Variants in CDC73 observed in about 807,000 individuals in gnomAD.
CDC73 encodes the protein parafibromin.
A neutral mutation model predicts 83.7 loss-of-function variants in CDC73; 21 were observed. The observed-to-expected ratio is 0.25, with a 90% CI of 0.18 to 0.36. The LOEUF is 0.36. CDC73 is among the 10% of genes least tolerant of loss of function. CDC73 has a pLI of 1.00. For synonymous variants in CDC73, 224 were observed against 212.9 expected, an observed-to-expected ratio of 1.05 and a Z score of -0.45; for missense variants, 342 against 653.3, an observed-to-expected ratio of 0.52 and a Z score of 5.19.
Position 193,155,047 on chromosome 1 carries a change from C to A in CDC73, c.972+2603C>A, listed in dbSNP as rs186530049. Among the ~76,000 whole-genome samples, 31 of 152,248 alleles carry A rather than the reference C, an allele frequency of 2.0e-4. No homozygotes were observed. The East Asian group carries it at 6.0e-3, about 29-fold the overall frequency. ...CATAGTTAATAAAATTAGGATCAGT[C>A]TATGTATCTTTTAAGTTAAACATCA... On this transcript the variant is annotated intron_variant, in intron 10 of 16. Coordinates refer to ENST00000367435, the MANE Select transcript of CDC73 (RefSeq NM_024529.5).
At chr1:193,236,142 T>G (rs3738244) in intron 14 of CDC73, 114 bp from the exon 15 acceptor site, 8 of 781,866 alleles carry the variant, frequency 1.0e-5, no homozygotes, top group African/African-American at 1.7e-5. Flanking sequence ...ATAAGACTCT[T>G]TCACATGAAT....
intron 10 of CDC73, among the ~76,000 whole-genome samples, chr1:193,175,904 C>CG (rs1558298551): frequency 6.6e-6 from 1 of 151,870 alleles, no homozygotes; most frequent in Non-Finnish European, 1.5e-5. Flanking sequence ...GTTTACTTGT[C>CG]TTTTTTTTGC....
At chr1:193,248,698 A>T (rs1677993834) in intron 15 of CDC73, among the ~76,000 whole-genome samples, 1 of 152,064 alleles carries the variant, frequency 6.6e-6, no homozygotes, top group African/African-American at 2.4e-5. Flanking sequence ...TTCATAGATG[A>T]CTTTGAGGGG....
At chr1:193,165,001 C>T (rs1676411695) in intron 10 of CDC73, among the ~76,000 whole-genome samples, 1 of 152,138 alleles carries the variant, frequency 6.6e-6, no homozygotes, top group Non-Finnish European at 1.5e-5. Flanking sequence ...TCACATTTAG[C>T]TTTGTTGATT....
intron 11 of CDC73, among the ~76,000 whole-genome samples, chr1:193,205,000 G>A (rs1160337506): frequency 5.3e-5 from 8 of 151,974 alleles, no homozygotes. Flanking sequence ...AATGTGTTAA[G>A]CAAAGCTGGT....
At chr1:193,174,371 T>C (rs778851881) in intron 10 of CDC73, among the ~76,000 whole-genome samples, 1 of 152,186 alleles carries the variant, frequency 6.6e-6, no homozygotes, top group Non-Finnish European at 1.5e-5. Context: ...TCTTTAAATA[T>C]ATGAATTTGA....
intron 14 of CDC73, among the ~76,000 whole-genome samples, chr1:193,234,300 A>AATATATATAATATATATAATATATATATT (rs1677720370): frequency 7.9e-6 from 1 of 126,270 alleles, no homozygotes; most frequent in African/African-American, 3.1e-5. Context: ...TTATATATAT[A>AATATATATAATATATATAATATATATATT]ATATAATTTA....
chr1:193,180,218 C>A, intron 10 of CDC73: 4 of 1,274,992 alleles, frequency 3.1e-6, no homozygotes, highest in Non-Finnish European at 4.2e-6. Flanking sequence ...ACTTGTCCTA[C>A]GGATGTAATC....
intron 13 of CDC73, among the ~76,000 whole-genome samples, chr1:193,230,959 A>C (rs1677653846): frequency 6.6e-6 from 1 of 152,212 alleles, no homozygotes; most frequent in Admixed American, 6.5e-5. Context: ...ATCAGAAATT[A>C]ACATGCTACA....
chr1:193,245,350 C>T (rs1489135082), intron 15 of CDC73, among the ~76,000 whole-genome samples: 1 of 152,052 alleles, frequency 6.6e-6, no homozygotes, highest in African/African-American at 2.4e-5. Flanking sequence ...TTTTTAGCTT[C>T]TACATATGAG....
intron 10 of CDC73, chr1:193,186,737 C>G (rs1244195565): frequency 1.3e-5 from 2 of 152,008 alleles, no homozygotes; most frequent in African/African-American, 4.8e-5. Flanking sequence ...AGAGATTTTG[C>G]TTTTATGTGA....
At chr1:193,208,328 T>A (rs139779086) in intron 11 of CDC73, among the ~76,000 whole-genome samples, 77 of 152,336 alleles carry the variant, frequency 5.1e-4, no homozygotes, top group African/African-American at 1.5e-3. Flanking sequence ...ACCTTTTTAT[T>A]TCCGGTGGCA....
intron 13 of CDC73, among the ~76,000 whole-genome samples, chr1:193,213,435 A>G (rs1677310410): frequency 6.6e-6 from 1 of 151,620 alleles, no homozygotes; most frequent in South Asian, 2.1e-4. Context: ...GCTAAATACC[A>G]TTGCCTGATG....
At chr1:193,166,576 G>T (rs903405436) in intron 10 of CDC73, among the ~76,000 whole-genome samples, 1 of 152,050 alleles carries the variant, frequency 6.6e-6, no homozygotes, top group Non-Finnish European at 1.5e-5. Flanking sequence ...AGGCTTACAG[G>T]CCGATAGACA....
At chr1:193,214,564 A>C (rs1677330743) in intron 13 of CDC73, among the ~76,000 whole-genome samples, 1 of 151,984 alleles carries the variant, frequency 6.6e-6, no homozygotes, top group African/African-American at 2.4e-5. Flanking sequence ...AAAAATACAA[A>C]AAAAATTAGC....
intron 10 of CDC73, among the ~76,000 whole-genome samples, chr1:193,201,736 A>G (rs1380623733): frequency 6.6e-6 from 1 of 152,152 alleles, no homozygotes; most frequent in Non-Finnish European, 1.5e-5. Flanking sequence ...ATAGTGGAAA[A>G]GGTTTTTTTT....
rs766299677 is a variant in CDC73 at position 193,180,400 on chromosome 1, C to T, written c.973-23395C>T. On this transcript the variant is annotated intron_variant, in intron 10 of 16. Coordinates refer to ENST00000367435, the MANE Select transcript of CDC73 (RefSeq NM_024529.5). ...ATGGTTCCAGTATTTTATCAGTTCACTAGGCTGGAACTGATGAGAGGTAAT... is the reference window on the plus strand; with the variant it reads ...ATGGTTCCAGTATTTTATCAGTTCATTAGGCTGGAACTGATGAGAGGTAAT... The T allele has an allele frequency of 3.1e-6, 5 of 1,613,792 alleles. No homozygotes were observed. The African/African-American group carries it at 6.7e-5, about 22-fold the overall frequency.
chr1:193,141,008 T>A (rs1483121699), intron 6 of CDC73: 1 of 152,248 alleles, frequency 6.6e-6, no homozygotes, highest in African/African-American at 2.4e-5. Context: ...CTAATCTGAA[T>A]AAAATTAGAA....
chr1:193,217,409 T>G (rs1342349003), intron 13 of CDC73, among the ~76,000 whole-genome samples: 1 of 152,040 alleles, frequency 6.6e-6, no homozygotes. Flanking sequence ...GCTTGGAGAA[T>G]GAGTGCAAGG....
Sources: allele counts gnomAD v4.1 joint callset (sites outside exome capture counted in the v4.1 genomes callset), GRCh38; gene constraint gnomAD v4.1.1; transcripts MANE v1.5; gene names NCBI Gene and HGNC (gene_info 2026-07-23, HGNC 2026-07-21).